The following ANKS1B variants were observed in gnomAD, a reference collection of about 807,000 sequenced individuals.
ANKS1B encodes the protein ankyrin repeat and sterile alpha motif domain containing 1B.
In ANKS1B, 36 loss-of-function variants were observed where a neutral mutation model predicts 148.3. That is an observed-to-expected ratio of 0.24 (90% CI 0.19 to 0.32). ANKS1B has a LOEUF of 0.32. Among genes scored for constraint, ANKS1B ranks in the 10% least tolerant of loss-of-function variants. The pLI is 1.00. For missense variants in ANKS1B, 1,157 were observed against 1,542.6 expected, an observed-to-expected ratio of 0.75 and a Z score of 4.19; for synonymous variants, 542 against 560.8, an observed-to-expected ratio of 0.97 and a Z score of 0.47.
rs1263127995 is a variant in ANKS1B, at chr12:99,092,806, G to C, written c.2527-7783C>G. Among the ~76,000 whole-genome samples the C allele has an allele frequency of 3.3e-5, 5 of 152,282 alleles. No homozygotes were observed. In the East Asian group the frequency reaches 9.7e-4, roughly 29 times the overall value. ...TGACGCAGAAAGAAGTACCTAAAAA[G>C]ATTACCAGCCATTACATTCACTGTG... On this transcript the variant is annotated intron_variant, in intron 15 of 26. Transcript: ENST00000683438.
At chr12:99,509,662 T>C (rs770983193) in intron 9 of ANKS1B, among the ~76,000 whole-genome samples, 12 of 152,102 alleles carry the variant, frequency 7.9e-5, no homozygotes, top group Non-Finnish European at 8.8e-5. Flanking sequence ...AACATAAAAG[T>C]GCAAGGTGAA....
chr12:98,985,893 C>T (rs2099923043), intron 17 of ANKS1B, among the ~76,000 whole-genome samples: 1 of 152,138 alleles, frequency 6.6e-6, no homozygotes, highest in South Asian at 2.1e-4. Flanking sequence ...GAAGAATTCC[C>T]TCTAATGTTT....
intron 17 of ANKS1B, chr12:98,956,309 GCT>G (rs1465669878): frequency 6.6e-6 from 1 of 152,108 alleles, no homozygotes; most frequent in African/African-American, 2.4e-5. Flanking sequence ...TTGGATTTAT[GCT>G]CTCATTGTCT....
chr12:99,496,397 T>C (rs2096605007), intron 10 of ANKS1B, among the ~76,000 whole-genome samples: 1 of 152,244 alleles, frequency 6.6e-6, no homozygotes, highest in Admixed American at 6.5e-5. Context: ...ATTCATTCAT[T>C]TATGCAAGTG....
intron 22 of ANKS1B, among the ~76,000 whole-genome samples, chr12:98,784,118 C>A (rs1264354821): frequency 6.6e-6 from 1 of 152,134 alleles, no homozygotes; most frequent in Non-Finnish European, 1.5e-5. Flanking sequence ...AGTGTTTTTG[C>A]GTAAGCATAA....
intron 17 of ANKS1B, among the ~76,000 whole-genome samples, chr12:98,970,496 A>C (rs1385329892): frequency 6.6e-6 from 1 of 152,256 alleles, no homozygotes; most frequent in Non-Finnish European, 1.5e-5. Context: ...AAATGATATC[A>C]GTAGTTTTTT....
At chr12:98,819,735 C>G (rs1363089009) in intron 19 of ANKS1B, among the ~76,000 whole-genome samples, 4 of 152,164 alleles carry the variant, frequency 2.6e-5, no homozygotes, top group African/African-American at 9.6e-5. Flanking sequence ...AAATTCTCTG[C>G]TTTTCTTTAA....
intron 10 of ANKS1B, among the ~76,000 whole-genome samples, chr12:99,444,991 A>G (rs1351239409): frequency 6.6e-6 from 1 of 152,040 alleles, no homozygotes; most frequent in African/African-American, 2.4e-5. Flanking sequence ...GAATCCAGAC[A>G]AAGGCCCATA....
intron 15 of ANKS1B, among the ~76,000 whole-genome samples, chr12:99,092,319 G>T (rs2153649947): frequency 6.6e-6 from 1 of 152,190 alleles, no homozygotes; most frequent in South Asian, 2.1e-4. Context: ...GGGTTGGGGT[G>T]GCACCTCTGT....
chr12:99,631,822 G>C (rs1259266835), intron 9 of ANKS1B, among the ~76,000 whole-genome samples: 1 of 152,032 alleles, frequency 6.6e-6, no homozygotes, highest in Non-Finnish European at 1.5e-5. Flanking sequence ...GAGAGAAGGA[G>C]AATTGAAAGA....
chr12:98,923,202 G>GT (rs1315862475), intron 17 of ANKS1B, among the ~76,000 whole-genome samples: 1 of 152,122 alleles, frequency 6.6e-6, no homozygotes, highest in Non-Finnish European at 1.5e-5. Flanking sequence ...GGCTTCCTTG[G>GT]TTTTGCTCTT....
chr12:98,937,428 C>T (rs981050955), intron 17 of ANKS1B, among the ~76,000 whole-genome samples: 1 of 151,992 alleles, frequency 6.6e-6, no homozygotes, highest in African/African-American at 2.4e-5. Context: ...ATTTCCTCCC[C>T]CATTGCTTCT....
chr12:99,040,567 A>C lies in ANKS1B; in HGVS notation c.2778+12590T>G, dbSNP rs866274965. ...CATGACACAATACATCTGTGAATAT[A>C]AAATAACAGGAACTGGTGGCTTTTC... On this transcript the variant is annotated intron_variant, in intron 17 of 26. Coordinates refer to ENST00000683438, the MANE Select transcript of ANKS1B (RefSeq NM_001352186.2). 4.7e-4 allele frequency among the ~76,000 whole-genome samples: 71 copies of C among 152,314 alleles called. No individual in the cohort carries two copies. In the Middle Eastern group the frequency reaches 0.024, roughly 51 times the overall value.
chr12:99,731,006 C>T (rs371868445), intron 8 of ANKS1B, among the ~76,000 whole-genome samples: 3 of 152,064 alleles, frequency 2.0e-5, no homozygotes, highest in Admixed American at 6.6e-5. Flanking sequence ...TTGTTATCTC[C>T]GCTCACTGCA....
At chr12:98,915,810 T>C (rs2099793571) in intron 17 of ANKS1B, among the ~76,000 whole-genome samples, 1 of 152,188 alleles carries the variant, frequency 6.6e-6, no homozygotes, top group South Asian at 2.1e-4. Flanking sequence ...GCCAGTGAAG[T>C]TGATTAACTT....
At chr12:99,505,765 A>T (rs1342557878) in intron 9 of ANKS1B, among the ~76,000 whole-genome samples, 1 of 151,660 alleles carries the variant, frequency 6.6e-6, no homozygotes, top group Non-Finnish European at 1.5e-5. Context: ...TGAAATTCAC[A>T]ATTAATCATA....
intron 12 of ANKS1B, among the ~76,000 whole-genome samples, chr12:99,367,227 T>C (rs1050328632): frequency 6.6e-6 from 1 of 151,946 alleles, no homozygotes; most frequent in Non-Finnish European, 1.5e-5. Context: ...GAAGGAAAAA[T>C]TCAAAATCCG....
intron 17 of ANKS1B, among the ~76,000 whole-genome samples, chr12:98,945,516 A>C (rs1464596): frequency 0.12 from 15,689 of 128,300 alleles, 599 homozygotes; most frequent in Non-Finnish European, 0.18. Context: ...AAAAAAAAAA[A>C]AAAAAAAAAA....
At chr12:98,871,777 T>C (rs1443334129) in intron 17 of ANKS1B, among the ~76,000 whole-genome samples, 2 of 152,298 alleles carry the variant, frequency 1.3e-5, no homozygotes, top group East Asian at 3.9e-4. Flanking sequence ...GAATTTATCT[T>C]CTACAGTGGG....
Sources: allele counts gnomAD v4.1 joint callset (sites outside exome capture counted in the v4.1 genomes callset), GRCh38; gene constraint gnomAD v4.1.1; transcripts MANE v1.5; gene names NCBI Gene and HGNC (gene_info 2026-07-23, HGNC 2026-07-21).